TRPS1: variants seen among roughly 807,000 people sequenced by gnomAD.
TRPS1 encodes the protein transcriptional repressor GATA binding 1, also known as zinc finger transcription factor Trps1.
Under a neutral mutation model 101.2 loss-of-function variants are expected in TRPS1, and 6 were observed. The observed-to-expected ratio is 0.06, with a 90% CI of 0.03 to 0.12. The LOEUF (loss-of-function observed/expected upper bound fraction) is 0.12. Among genes scored for constraint, TRPS1 ranks in the 10% least tolerant of loss-of-function variants. The pLI, the probability that TRPS1 is intolerant of heterozygous loss-of-function variation, is 1.00. For synonymous variants in TRPS1, 578 were observed against 589.8 expected, an observed-to-expected ratio of 0.98 and a Z score of 0.29; for missense variants, 1,363 against 1,567.0, an observed-to-expected ratio of 0.87 and a Z score of 2.20.
intron 5 of TRPS1, among the ~76,000 whole-genome samples, chr8:115,436,578 C>A (rs1313129254): frequency 6.6e-6 from 1 of 152,144 alleles, no homozygotes; most frequent in Non-Finnish European, 1.5e-5. Context: ...GCTGCCCAGG[C>A]TAGCCTTGAA....
chr8:115,462,005 C>G (rs745910560), intron 5 of TRPS1, among the ~76,000 whole-genome samples: 5 of 152,148 alleles, frequency 3.3e-5, no homozygotes, highest in African/African-American at 4.8e-5. Context: ...ATCTTCAACA[C>G]CTTTCATCTT....
chr8:115,554,881 C>T (rs914198031), intron 5 of TRPS1, among the ~76,000 whole-genome samples: 2 of 151,920 alleles, frequency 1.3e-5, no homozygotes, highest in Non-Finnish European at 2.9e-5. Flanking sequence ...ATGAGAGGCC[C>T]GGGGGTAGGT....
intron 1 of TRPS1, among the ~76,000 whole-genome samples, chr8:115,624,159 C>T (rs2142329): frequency 0.64 from 96,313 of 151,200 alleles, 30,892 homozygotes; most frequent in East Asian, 0.84. Flanking sequence ...ACAATGAACA[C>T]AGTCATTAGT....
At chr8:115,565,143 A>C (rs1817036535) in intron 5 of TRPS1, among the ~76,000 whole-genome samples, 1 of 152,156 alleles carries the variant, frequency 6.6e-6, no homozygotes, top group Non-Finnish European at 1.5e-5. Context: ...GTGTGAAACA[A>C]AGACTCCTGC....
At chr8:115,577,703 C>A (rs926215892) in intron 5 of TRPS1, among the ~76,000 whole-genome samples, 2 of 152,020 alleles carry the variant, frequency 1.3e-5, no homozygotes, top group African/African-American at 4.8e-5. Flanking sequence ...GACATTCTGA[C>A]AACTTTATCA....
At chr8:115,622,523 G>T (rs966023730) in intron 2 of TRPS1, among the ~76,000 whole-genome samples, 13 of 152,080 alleles carry the variant, frequency 8.5e-5, no homozygotes, top group Non-Finnish European at 1.9e-4. Flanking sequence ...AAATTGTGAA[G>T]GTTTGATACA....
chr8:115,418,263 T>C lies in TRPS1; in HGVS notation c.2823+67A>G, dbSNP rs997047937. On this transcript the variant is annotated intron_variant, in intron 6 of 6. Transcript: ENST00000395715. This position sits in a 1 kb window ranked among gnomAD's most constrained non-coding sequence, Gnocchi z 4.3. ...ACTGCAAGCCAGGGAATGGGACTTA[T>C]CACACCACAGACCAGGCCAACACTG... 4.5e-5 allele frequency: 73 copies of C among 1,613,176 alleles called. No individual in the cohort carries two copies. Among genetic ancestry groups the C allele is most frequent in the Non-Finnish European group, 5.9e-5 (70 of 1,179,536 alleles).
intron 5 of TRPS1, among the ~76,000 whole-genome samples, chr8:115,469,179 C>T (rs1814402096): frequency 6.6e-6 from 1 of 152,204 alleles, no homozygotes; most frequent in South Asian, 2.1e-4. Context: ...CACACACATG[C>T]TGAACCAAAC....
chr8:115,661,647 G>A (rs1811797135), intron 1 of TRPS1: 1 of 151,938 alleles, frequency 6.6e-6, no homozygotes, highest in Admixed American at 6.6e-5. Context: ...AGATAGTGGT[G>A]GATTCTTGGA....
chr8:115,518,333 C>T (rs578157371), intron 5 of TRPS1, among the ~76,000 whole-genome samples: 2 of 151,858 alleles, frequency 1.3e-5, no homozygotes, highest in African/African-American at 2.4e-5. Flanking sequence ...AAAAACTATT[C>T]TCACTCTAGA....
At chr8:115,440,434 G>T (rs1262534310) in intron 5 of TRPS1, among the ~76,000 whole-genome samples, 1 of 152,196 alleles carries the variant, frequency 6.6e-6, no homozygotes, top group Non-Finnish European at 1.5e-5. Context: ...AAGTAGTTAT[G>T]TGCTCCTCTC....
intron 4 of TRPS1, among the ~76,000 whole-genome samples, chr8:115,597,911 C>A (rs150573031): frequency 6.6e-6 from 1 of 152,174 alleles, no homozygotes; most frequent in Non-Finnish European, 1.5e-5. Context: ...TAAGTCTATT[C>A]TTTTCTTTTG....
intron 4 of TRPS1, among the ~76,000 whole-genome samples, chr8:115,593,244 C>A (rs1817716693): frequency 6.6e-6 from 1 of 152,154 alleles, no homozygotes; most frequent in Non-Finnish European, 1.5e-5. Flanking sequence ...AATCCCAATT[C>A]ATTTTTTCTT....
intron 5 of TRPS1, among the ~76,000 whole-genome samples, chr8:115,473,789 C>T (rs887958251): frequency 2.6e-5 from 4 of 152,108 alleles, no homozygotes; most frequent in African/African-American, 9.7e-5. Flanking sequence ...TCCTATTATC[C>T]TAGCTGTACA....
At chr8:115,566,593 T>C (rs1398336612) in intron 5 of TRPS1, among the ~76,000 whole-genome samples, 2 of 151,956 alleles carry the variant, frequency 1.3e-5, no homozygotes, top group Admixed American at 1.3e-4. Context: ...AATGGCAATA[T>C]TCCAGAAATC....
chr8:115,624,386 T>TA (rs1478274525), intron 1 of TRPS1, among the ~76,000 whole-genome samples: 1 of 151,980 alleles, frequency 6.6e-6, no homozygotes, highest in South Asian at 2.1e-4. Flanking sequence ...GTCCTCTATT[T>TA]AATTGTGAGA....
At chr8:115,666,296 T>C (rs1811919845) in intron 1 of TRPS1, among the ~76,000 whole-genome samples, 1 of 151,048 alleles carries the variant, frequency 6.6e-6, no homozygotes, top group South Asian at 2.1e-4. Flanking sequence ...AAAAAAAAAA[T>C]CCTCAAAATG....
intron 1 of TRPS1, 64 bp downstream of exon 1, chr8:115,668,481 C>T (rs971111666): frequency 2.8e-5 from 4 of 145,114 alleles, no homozygotes; most frequent in African/African-American, 9.9e-5. Flanking sequence ...CCGAGGGGCG[C>T]CCGCGCCCCC....
intron 5 of TRPS1, among the ~76,000 whole-genome samples, chr8:115,428,588 G>T (rs1813244625): frequency 6.6e-6 from 1 of 152,172 alleles, no homozygotes; most frequent in African/African-American, 2.4e-5. Flanking sequence ...ACAGTTAAAA[G>T]AGTTAATGAC....
Sources: allele counts gnomAD v4.1 joint callset (sites outside exome capture counted in the v4.1 genomes callset), GRCh38; gene constraint gnomAD v4.1.1; non-coding constraint Gnocchi (gnomAD v3.1); transcripts MANE v1.5; gene names NCBI Gene and HGNC (gene_info 2026-07-23, HGNC 2026-07-21).